VIT: variants seen among roughly 807,000 people sequenced by gnomAD.
VIT encodes vitrin.
A neutral mutation model predicts 78.0 loss-of-function variants in VIT; 99 were observed. The observed-to-expected ratio is 1.27, with a 90% CI of 1.08 to 1.50. VIT has a LOEUF of 1.50. Ranked by LOEUF, VIT falls within the 40% of genes most tolerant of loss-of-function variation. The pLI, the probability that VIT is intolerant of heterozygous loss-of-function variation, is 0.00. For missense variants in VIT, 1,126 were observed against 875.3 expected (o/e 1.29, Z -3.61); for synonymous variants, 374 against 334.3 (o/e 1.12, Z -1.29).
chr2:36,776,624 G>T (rs1670062569), intron 9 of VIT, among the ~76,000 whole-genome samples: 1 of 151,858 alleles, frequency 6.6e-6, no homozygotes, highest in Admixed American at 6.6e-5. Context: ...CACATAGTGA[G>T]ACCCCGTCTC....
intron 13 of VIT, among the ~76,000 whole-genome samples, chr2:36,803,751 G>C (rs140590209): frequency 6.6e-6 from 1 of 152,316 alleles, no homozygotes; most frequent in East Asian, 1.9e-4. Context: ...GCCAAAATCA[G>C]AAATGCATTG....
intron 11 of VIT, among the ~76,000 whole-genome samples, chr2:36,784,047 G>A (rs1344317195): frequency 6.6e-6 from 1 of 152,200 alleles, no homozygotes; most frequent in Non-Finnish European, 1.5e-5. Context: ...AACAGAAAAT[G>A]TGACTTAGGG....
intron 11 of VIT, among the ~76,000 whole-genome samples, chr2:36,785,097 A>G (rs1281265752): frequency 6.6e-6 from 1 of 152,230 alleles, no homozygotes; most frequent in South Asian, 2.1e-4. Flanking sequence ...CATGTACTTT[A>G]TTCATGTAAA....
chr2:36,703,338 C>G (rs1665186910), intron 1 of VIT, among the ~76,000 whole-genome samples: 1 of 152,060 alleles, frequency 6.6e-6, no homozygotes. Context: ...AGGTGGCTCC[C>G]CTACCCCCAC....
At chr2:36,708,110 T>TCCCCCCCCCCCCCCCCC (rs141908586) in intron 1 of VIT, among the ~76,000 whole-genome samples, 6 of 137,782 alleles carry the variant, frequency 4.4e-5, no homozygotes, top group South Asian at 2.5e-4. Context: ...GTAAAGGACC[T>TCCCCCCCCCCCCCCCCC]CCCCCCCCCG....
At chr2:36,791,226 G>GC (rs1665480442) in intron 12 of VIT, among the ~76,000 whole-genome samples, 1 of 152,106 alleles carries the variant, frequency 6.6e-6, no homozygotes, top group Admixed American at 6.5e-5. Context: ...TGACTTGGCC[G>GC]CATCTCCTCA....
intron 12 of VIT, among the ~76,000 whole-genome samples, chr2:36,797,147 A>T (rs1042290591): frequency 2.7e-5 from 4 of 150,342 alleles, no homozygotes; most frequent in African/African-American, 9.8e-5. Flanking sequence ...CTTGGTCACT[A>T]GAGGAAGATC....
chr2:36,787,373 A>G (rs564377180), intron 12 of VIT, 97 bp downstream of exon 12: 7 of 1,452,010 alleles, frequency 4.8e-6, no homozygotes, highest in African/African-American at 2.8e-5. Context: ...TATTACCAAC[A>G]TGTCCTTGAG....
At chr2:36,810,431 T>C (rs951032222) in intron 15 of VIT, among the ~76,000 whole-genome samples, 11 of 152,226 alleles carry the variant, frequency 7.2e-5, no homozygotes, top group Non-Finnish European at 5.9e-5. Flanking sequence ...TATTGCAGAA[T>C]TTATGTATAA....
intron 4 of VIT, among the ~76,000 whole-genome samples, chr2:36,752,981 G>A (rs1449778906): frequency 6.6e-6 from 1 of 152,174 alleles, no homozygotes; most frequent in Non-Finnish European, 1.5e-5. Context: ...TGATAGACTG[G>A]ATAGAGAAAA....
At chr2:36,720,304 T>G (rs184821300) in intron 2 of VIT, among the ~76,000 whole-genome samples, 1 of 152,062 alleles carries the variant, frequency 6.6e-6, no homozygotes, top group African/African-American at 2.4e-5. Context: ...TATAAACCCA[T>G]GAAACAAAAT....
chr2:36,813,047 A>ATT lies in VIT; in HGVS notation c.1904-1136_1904-1135insTT, dbSNP rs1558600537. Among the ~76,000 whole-genome samples the ATT allele has an allele frequency of 1.0e-3, 156 of 149,076 alleles. 1 individual carries two copies. In the East Asian group the frequency reaches 0.017, roughly 17 times the overall value. On this transcript the variant is annotated intron_variant, in intron 15 of 15. Coordinates refer to ENST00000379242, the MANE Select transcript of VIT (RefSeq NM_053276.4). The stretch of plus-strand genomic sequence containing the variant: ...TGGCTAATTTTTTGCAAAAAAAAAA[A>ATT]AAAAAAAAATAGGATTTTTTGTGAC...
intron 1 of VIT, among the ~76,000 whole-genome samples, chr2:36,698,936 C>T (rs1207096900): frequency 6.6e-6 from 1 of 151,076 alleles, no homozygotes; most frequent in African/African-American, 2.4e-5. Context: ...AAAGTGAGAC[C>T]TGGTCTCAAA....
chr2:36,796,695 G>C lies in VIT; in HGVS notation c.1059-4606G>C, dbSNP rs117936201. ...TTGCCCAGGCTGGTCTCCAACTCCT[G>C]AGCTCAAAGGATCCTCCTGTCTTGG... On this transcript the variant is annotated intron_variant, in intron 12 of 15. Transcript: ENST00000379242. 8.9e-4 allele frequency among the ~76,000 whole-genome samples: 135 copies of C among 151,924 alleles called. 1 individual carries two copies. The East Asian group carries it at 0.023, about 26-fold the overall frequency.
chr2:36,776,861 G>C (rs1483995310), intron 9 of VIT, among the ~76,000 whole-genome samples: 1 of 151,868 alleles, frequency 6.6e-6, no homozygotes, highest in African/African-American at 2.4e-5. Context: ...AGGCCAAGGA[G>C]GGCAGATCAC....
intron 3 of VIT, among the ~76,000 whole-genome samples, chr2:36,736,860 T>C (rs1162141566): frequency 6.6e-6 from 1 of 152,186 alleles, no homozygotes. Flanking sequence ...ATGCATTTAA[T>C]ACCCTGAAAA....
At chr2:36,710,147 G>A (rs1665712145) in intron 1 of VIT, among the ~76,000 whole-genome samples, 1 of 152,184 alleles carries the variant, frequency 6.6e-6, no homozygotes, top group African/African-American at 2.4e-5. Flanking sequence ...TAAATTTGGT[G>A]GTGGAAGTGA....
intron 12 of VIT, among the ~76,000 whole-genome samples, chr2:36,794,856 T>C (rs1665755004): frequency 6.6e-6 from 1 of 152,136 alleles, no homozygotes; most frequent in Non-Finnish European, 1.5e-5. Context: ...TTAAAAGAAA[T>C]ACCGTTAAAA....
rs764009981 is a variant in VIT, at chr2:36,775,102, A to C, written c.802+35A>C. ...CCACTGCTTACCATCTCTGCTCCCT[A>C]GGAATTTGCTCTGTGGCACTTTGCA... On this transcript the variant is annotated intron_variant, in intron 9 of 15. Transcript: ENST00000379242. 8 of 1,611,172 alleles carry C rather than the reference A, an allele frequency of 5.0e-6. No homozygotes were observed. The Admixed American group carries it at 1.3e-4, about 27-fold the overall frequency.
Sources: gnomAD v4.1 joint callset for allele counts (sites outside exome capture counted in the v4.1 genomes callset) on GRCh38, gnomAD v4.1.1 for gene constraint, MANE v1.5 for transcripts, NCBI Gene and HGNC (gene_info 2026-07-23, HGNC 2026-07-21) for gene names.